Variants in KCNIP4 observed in about 807,000 individuals in gnomAD.
The protein encoded by KCNIP4 is potassium voltage-gated channel interacting protein 4, also known as Kv channel-interacting protein 4.
In KCNIP4, 12 loss-of-function variants were observed where a neutral mutation model predicts 34.0. The observed-to-expected ratio is 0.35, with a 90% CI of 0.23 to 0.57. The LOEUF (loss-of-function observed/expected upper bound fraction) is 0.57. KCNIP4 is among the 20% of genes least tolerant of loss of function. The pLI is 0.83. For synonymous variants in KCNIP4, 124 were observed against 102.2 expected, an observed-to-expected ratio of 1.21 and a Z score of -1.29; for missense variants, 238 against 311.7, an observed-to-expected ratio of 0.76 and a Z score of 1.78.
At chr4:21,212,998 AG>A (rs772376720) in intron 1 of KCNIP4, among the ~76,000 whole-genome samples, 11 of 152,186 alleles carry the variant, frequency 7.2e-5, no homozygotes, top group Non-Finnish European at 1.2e-4. Context: ...CATTTGAAAA[AG>A]CTTTTTAGGA....
chr4:21,563,684 G>T (rs1435389928), intron 1 of KCNIP4, among the ~76,000 whole-genome samples: 1 of 152,028 alleles, frequency 6.6e-6, no homozygotes, highest in Non-Finnish European at 1.5e-5. Context: ...TATAAGAAAG[G>T]TTTAGTTCAA....
chr4:21,816,632 A>ACTATTTT (rs1197130729), intron 1 of KCNIP4, among the ~76,000 whole-genome samples: 3 of 152,088 alleles, frequency 2.0e-5, no homozygotes, highest in African/African-American at 7.2e-5. Flanking sequence ...GAAGTCTCTT[A>ACTATTTT]CTATTTTCTC....
intron 1 of KCNIP4, among the ~76,000 whole-genome samples, chr4:21,768,267 T>C (rs1718555336): frequency 1.3e-5 from 2 of 152,116 alleles, no homozygotes; most frequent in Non-Finnish European, 2.9e-5. Flanking sequence ...TGATAACTAA[T>C]AATAATAAAA....
chr4:21,030,761 G>A (rs190810061), intron 1 of KCNIP4, among the ~76,000 whole-genome samples: 2 of 152,246 alleles, frequency 1.3e-5, no homozygotes, highest in African/African-American at 2.4e-5. Flanking sequence ...GCTCAATGAA[G>A]TGTATAGTTC....
At chr4:21,451,897 T>A (rs1437860449) in intron 1 of KCNIP4, among the ~76,000 whole-genome samples, 1 of 152,086 alleles carries the variant, frequency 6.6e-6, no homozygotes, top group Non-Finnish European at 1.5e-5. Context: ...AAGAGAATAA[T>A]TCTTAGGACA....
intron 1 of KCNIP4, among the ~76,000 whole-genome samples, chr4:21,761,368 A>T (rs908903803): frequency 6.6e-6 from 1 of 152,148 alleles, no homozygotes; most frequent in Non-Finnish European, 1.5e-5. Flanking sequence ...CTGTTTGATG[A>T]AGAAATTCAA....
At chr4:21,240,480 T>C (rs913762688) in intron 1 of KCNIP4, among the ~76,000 whole-genome samples, 1 of 152,134 alleles carries the variant, frequency 6.6e-6, no homozygotes, top group East Asian at 1.9e-4. Context: ...ACAGACCCCA[T>C]GTAGCAAAAA....
At chr4:21,554,961 T>G (rs774891958) in intron 1 of KCNIP4, among the ~76,000 whole-genome samples, 2 of 152,156 alleles carry the variant, frequency 1.3e-5, no homozygotes, top group Admixed American at 6.5e-5. Context: ...ATATTCTCCA[T>G]CCCACTATTT....
At chr4:21,402,748 C>A (rs1275321538) in intron 1 of KCNIP4, among the ~76,000 whole-genome samples, 1 of 152,192 alleles carries the variant, frequency 6.6e-6, no homozygotes, top group African/African-American at 2.4e-5. Flanking sequence ...CTTAGGCCTA[C>A]TTTTTCACTG....
In KCNIP4 at chr4:21,370,882, C is replaced by CACACACACACGTGT. The variant is rs367553482; in HGVS notation, c.62-488174_62-488173insACACGTGTGTGTGT. 9.9e-4 allele frequency among the ~76,000 whole-genome samples: 39 copies of CACACACACACGTGT among 39,378 alleles called. 4 individuals carry two copies. The highest frequency in any genetic ancestry group is 6.8e-3 in the East Asian group (8 of 1,184). The allele number at this position is 39,378 out of a possible 152,430, so 25.8% of individuals were successfully genotyped here. ...ACACACACACACACACACACACACA[C>CACACACACACGTGT]GTGTGTGTGTGTGTGTGTGTATTAG... On this transcript the variant is annotated intron_variant, in intron 1 of 8. Transcript: ENST00000382152.
intron 1 of KCNIP4, among the ~76,000 whole-genome samples, chr4:21,350,656 G>C (rs753481260): frequency 6.6e-6 from 1 of 152,172 alleles, no homozygotes; most frequent in African/African-American, 2.4e-5. Flanking sequence ...CTTGCCCAGT[G>C]ACCTTTCCTA....
At chr4:21,005,962 T>C (rs1738518655) in intron 1 of KCNIP4, among the ~76,000 whole-genome samples, 1 of 152,178 alleles carries the variant, frequency 6.6e-6, no homozygotes, top group Non-Finnish European at 1.5e-5. Flanking sequence ...AAAATAATGT[T>C]TATTCTTCGC....
At chr4:21,459,304 C>A (rs914306825) in intron 1 of KCNIP4, among the ~76,000 whole-genome samples, 2 of 152,034 alleles carry the variant, frequency 1.3e-5, no homozygotes, top group African/African-American at 4.8e-5. Flanking sequence ...GTTGAAGGAT[C>A]CCTCCTGGAA....
At chr4:21,634,728 G>T (rs764319446) in intron 1 of KCNIP4, among the ~76,000 whole-genome samples, 1 of 152,084 alleles carries the variant, frequency 6.6e-6, no homozygotes, top group Non-Finnish European at 1.5e-5. Context: ...CATCTCATTT[G>T]TAAGAAAAAC....
chr4:21,581,953 A>G (rs1185440611), intron 1 of KCNIP4: 1 of 144,786 alleles, frequency 6.9e-6, no homozygotes. Context: ...AAAGAATAAA[A>G]TGGCATGACT....
intron 1 of KCNIP4, among the ~76,000 whole-genome samples, chr4:21,171,194 T>G (rs986811848): frequency 2.0e-5 from 3 of 152,232 alleles, no homozygotes; most frequent in African/African-American, 7.2e-5. Flanking sequence ...ACTGCATCTA[T>G]GACAAAGTGA....
At chr4:20,891,264 G>A (rs113282928) in intron 1 of KCNIP4, among the ~76,000 whole-genome samples, 4 of 152,090 alleles carry the variant, frequency 2.6e-5, no homozygotes, top group Admixed American at 1.3e-4. Flanking sequence ...GAAGAAAATG[G>A]CAAATAATGT....
intron 2 of KCNIP4, among the ~76,000 whole-genome samples, chr4:20,859,300 C>A (rs781387619): frequency 1.7e-4 from 26 of 152,250 alleles, no homozygotes; most frequent in Middle Eastern, 6.8e-3. Flanking sequence ...AAACCAGAAC[C>A]AGATGGGACT....
intron 1 of KCNIP4, among the ~76,000 whole-genome samples, chr4:20,960,522 T>C (rs1733746458): frequency 6.6e-6 from 1 of 152,172 alleles, no homozygotes; most frequent in African/African-American, 2.4e-5. Context: ...TGGCAGATAA[T>C]GCACCAGAAA....
Sources: gnomAD v4.1 joint callset for allele counts (sites outside exome capture counted in the v4.1 genomes callset) on GRCh38, gnomAD v4.1.1 for gene constraint, MANE v1.5 for transcripts, NCBI Gene and HGNC (gene_info 2026-07-23, HGNC 2026-07-21) for gene names.